Variants in GALNTL6 observed in about 807,000 individuals in gnomAD.
GALNTL6 encodes polypeptide N-acetylgalactosaminyltransferase like 6, also known as polypeptide N-acetylgalactosaminyltransferase-like 6.
In GALNTL6, 46 loss-of-function variants were observed where a neutral mutation model predicts 73.7. The ratio of observed to expected loss-of-function variants is 0.62; its 90% confidence interval spans 0.49 to 0.80. The LOEUF is 0.80. Ranked by LOEUF, GALNTL6 falls within the 30% of genes least tolerant of loss-of-function variation. The pLI, the probability that GALNTL6 is intolerant of heterozygous loss-of-function variation, is 0.00. For synonymous variants in GALNTL6, 259 were observed against 263.7 expected, an observed-to-expected ratio of 0.98 and a Z score of 0.17; for missense variants, 604 against 755.0, an observed-to-expected ratio of 0.80 and a Z score of 2.34.
At chr4:172,639,672 C>T (rs1739871856) in intron 5 of GALNTL6, among the ~76,000 whole-genome samples, 1 of 152,034 alleles carries the variant, frequency 6.6e-6, no homozygotes, top group South Asian at 2.1e-4. Context: ...TTATCCATTT[C>T]CCCTCTCAGC....
At chr4:172,666,659 T>C (rs1007962672) in intron 5 of GALNTL6, 3 of 152,208 alleles carry the variant, frequency 2.0e-5, no homozygotes, top group Non-Finnish European at 4.4e-5. Flanking sequence ...TAAAAAACTT[T>C]TGTCTTCCTT....
chr4:172,119,655 T>C (rs931514648), intron 2 of GALNTL6, among the ~76,000 whole-genome samples: 3 of 151,716 alleles, frequency 2.0e-5, no homozygotes, highest in Admixed American at 6.6e-5. Context: ...TTGCAGACCA[T>C]AAAGTCTCTT....
At chr4:172,264,740 A>G (rs2111043869) in intron 3 of GALNTL6, among the ~76,000 whole-genome samples, 1 of 150,406 alleles carries the variant, frequency 6.6e-6, no homozygotes, top group African/African-American at 2.4e-5. Context: ...CATCATTTAT[A>G]CAGAATGATG....
intron 8 of GALNTL6, among the ~76,000 whole-genome samples, chr4:172,886,443 G>A (rs372813000): frequency 1.4e-4 from 22 of 152,064 alleles, no homozygotes; most frequent in African/African-American, 4.8e-4. Flanking sequence ...TTCTTAGTCT[G>A]GCTAAAGAGT....
At chr4:172,384,723 G>A (rs528373412) in intron 5 of GALNTL6, among the ~76,000 whole-genome samples, 15 of 151,938 alleles carry the variant, frequency 9.9e-5, no homozygotes, top group South Asian at 2.1e-4. Flanking sequence ...TTATACTGGC[G>A]TTTACAGACA....
At chr4:172,145,644 A>T (rs1254629667) in intron 2 of GALNTL6, among the ~76,000 whole-genome samples, 1 of 152,200 alleles carries the variant, frequency 6.6e-6, no homozygotes, top group Non-Finnish European at 1.5e-5. Context: ...AAAGAAAAAT[A>T]AAAACATTTT....
chr4:172,688,973 A>C (rs2111252077), intron 5 of GALNTL6, among the ~76,000 whole-genome samples: 1 of 18,908 alleles, frequency 5.3e-5, no homozygotes, highest in East Asian at 1.7e-3. Flanking sequence ...AGTAACCCAA[A>C]GTCAGCCACA....
intron 2 of GALNTL6, among the ~76,000 whole-genome samples, chr4:171,837,448 C>T (rs1385735634): frequency 6.6e-6 from 1 of 151,456 alleles, no homozygotes; most frequent in Non-Finnish European, 1.5e-5. Flanking sequence ...GTGTTAATAT[C>T]CTGACCTGGA....
At position 171,931,406 on chromosome 4, in the gene GALNTL6, C is replaced by A. The variant is rs149177765; in HGVS notation, c.138+116688C>A. Among the ~76,000 whole-genome samples, 348 of 152,264 alleles carry A rather than the reference C, an allele frequency of 2.3e-3. 2 individuals carry two copies. The highest frequency in any genetic ancestry group is 0.01 in the Middle Eastern group (3 of 294). On this transcript the variant is annotated intron_variant, in intron 2 of 12. Transcript: ENST00000506823. ...GAATTTTACTGAGCACCCTTGATTG[C>A]AGACACATAGAAAAGTATCCCAGGA...
At chr4:172,549,962 G>A (rs911871229) in intron 5 of GALNTL6, among the ~76,000 whole-genome samples, 1 of 152,070 alleles carries the variant, frequency 6.6e-6, no homozygotes, top group Non-Finnish European at 1.5e-5. Context: ...ATATCTTTCC[G>A]TGTCAGTAAT....
chr4:172,862,586 G>A (rs920101571), intron 7 of GALNTL6, among the ~76,000 whole-genome samples: 2 of 152,136 alleles, frequency 1.3e-5, no homozygotes, highest in African/African-American at 4.8e-5. Context: ...TGTAGTCCCA[G>A]CTACTCAGGA....
chr4:172,876,519 G>A (rs897357724), intron 7 of GALNTL6, among the ~76,000 whole-genome samples: 3 of 152,048 alleles, frequency 2.0e-5, no homozygotes, highest in African/African-American at 4.8e-5. Context: ...ATCCAGTTAC[G>A]CATTGCAATA....
At chr4:172,239,777 G>A (rs1203604530) in intron 3 of GALNTL6, among the ~76,000 whole-genome samples, 1 of 152,052 alleles carries the variant, frequency 6.6e-6, no homozygotes, top group Non-Finnish European at 1.5e-5. Flanking sequence ...TAGGATATGT[G>A]CCATGTGCTG....
In GALNTL6 at chr4:173,040,047, G is replaced by A; in HGVS notation, c.1753G>A (p.Glu585Lys). 1 of 1,613,550 alleles carries A rather than the reference G, an allele frequency of 6.2e-7. No homozygotes were observed. Among genetic ancestry groups the A allele is most frequent in the Non-Finnish European group, 8.5e-7 (1 of 1,179,544 alleles). Reference sequence around the variant, plus strand: ...CTCTGAGACTCAGCAGTGGATTTTTGAACACATTAATATGACTGTTTTAGA... The same window carrying A: ...CTCTGAGACTCAGCAGTGGATTTTTAAACACATTAATATGACTGTTTTAGA... The part of the protein sequence containing the change: ...PLSETQQWIF[E>K]HINMTVLEKF... Residue 585 changes from glutamate to lysine, a missense_variant, in exon 13 of 13, where the codon GAA (glutamate) becomes AAA (lysine). Around this residue, in one of 5 missense-constraint regions of GALNTL6, gnomAD observed 261 missense variants for 296.5 expected, o/e 0.88. Transcript: ENST00000506823.
chr4:171,815,078 C>T lies in GALNTL6; in HGVS notation c.138+360C>T, dbSNP rs980273556. On this transcript the variant is annotated intron_variant, in intron 2 of 12. Transcript: ENST00000506823. Reference sequence around the variant, plus strand: ...GTTTAATGACAAGGATAGGTTTTTGCTTTCCATTTGGCATGCATGTCTATG... The same window carrying T: ...GTTTAATGACAAGGATAGGTTTTTGTTTTCCATTTGGCATGCATGTCTATG... The T allele has an allele frequency of 1.9e-5, 7 of 359,094 alleles. No individual in the cohort carries two copies. In the East Asian group the frequency reaches 2.2e-4, roughly 11 times the overall value. The allele number at this position is 359,094 out of a possible 1,614,324, so 22.2% of individuals were successfully genotyped here. A position where few individuals can be genotyped will look rare whatever the true frequency, so the allele number is the denominator to read the frequency against.
chr4:172,234,870 T>C (rs1459346213), intron 3 of GALNTL6, among the ~76,000 whole-genome samples: 1 of 152,270 alleles, frequency 6.6e-6, no homozygotes, highest in African/African-American at 2.4e-5. Flanking sequence ...AAACTAAAAT[T>C]ATTTCTTTAG....
intron 3 of GALNTL6, among the ~76,000 whole-genome samples, chr4:172,268,850 A>G (rs558941675): frequency 2.8e-4 from 42 of 152,310 alleles, no homozygotes; most frequent in Middle Eastern, 3.4e-3. Context: ...AATGGCACTC[A>G]CCAAGAAACC....
intron 2 of GALNTL6, among the ~76,000 whole-genome samples, chr4:172,219,723 T>C (rs1736612162): frequency 6.6e-6 from 1 of 151,936 alleles, no homozygotes; most frequent in Admixed American, 6.6e-5. Flanking sequence ...TGCTTTTTCT[T>C]CTAGTTGTCA....
intron 2 of GALNTL6, among the ~76,000 whole-genome samples, chr4:171,917,428 A>G (rs1292085654): frequency 6.6e-6 from 1 of 152,138 alleles, no homozygotes; most frequent in Non-Finnish European, 1.5e-5. Flanking sequence ...TCATCTTAAT[A>G]AGACTAAGTA....
Sources: gnomAD v4.1 joint callset for allele counts (sites outside exome capture counted in the v4.1 genomes callset) on GRCh38, gnomAD v4.1.1 for gene constraint, gnomAD v4.1.1 regional missense constraint, MANE v1.5 for transcripts, NCBI Gene and HGNC (gene_info 2026-07-23, HGNC 2026-07-21) for gene names.